Variants in CHM observed in about 807,000 individuals in gnomAD.
CHM encodes the protein rab proteins geranylgeranyltransferase component A 1.
In CHM, 10 loss-of-function variants were observed where a neutral mutation model predicts 49.0. The ratio of observed to expected loss-of-function variants is 0.20; its 90% CI spans 0.13 to 0.35. The LOEUF (loss-of-function observed/expected upper bound fraction) is 0.35. CHM is among the 10% of genes least tolerant of loss of function. The probability of loss-of-function intolerance (pLI) is 1.00; values close to 1 mark genes in which losing one functional copy is unlikely to be tolerated. For synonymous variants in CHM, 184 were observed against 167.5 expected, an observed-to-expected ratio of 1.10 and a Z score of -0.76; for missense variants, 455 against 478.4, an observed-to-expected ratio of 0.95 and a Z score of 0.46.
chrX:85,990,283 A>G (rs1932118531), intron 2 of CHM, among the ~76,000 whole-genome samples: 1 of 112,107 alleles, frequency 8.9e-6, no homozygotes, highest in Non-Finnish European at 1.9e-5. Context: ...GTGGGAGCTA[A>G]ATCATGAGAA....
intron 2 of CHM, among the ~76,000 whole-genome samples, chrX:86,023,077 T>C (rs1603282026): frequency 9.0e-6 from 1 of 111,384 alleles, no homozygotes; most frequent in East Asian, 2.8e-4. Context: ...ATCCATAAAC[T>C]AGACCATTGC....
chrX:86,019,308 T>C (rs957016057), intron 2 of CHM, among the ~76,000 whole-genome samples: 3 of 112,135 alleles, frequency 2.7e-5, no homozygotes, highest in Non-Finnish European at 5.6e-5. Context: ...AGAGAACTAA[T>C]GTGGTCCTTA....
At chrX:85,976,673 C>T (rs1483446927) in intron 4 of CHM, among the ~76,000 whole-genome samples, 2 of 110,313 alleles carry the variant, frequency 1.8e-5, no homozygotes, top group Middle Eastern at 4.7e-3. Context: ...CTTCTGAGAT[C>T]GCCTAGTCCA....
intron 8 of CHM, among the ~76,000 whole-genome samples, chrX:85,920,342 C>T (rs1927718548): frequency 9.0e-6 from 1 of 111,230 alleles, no homozygotes; most frequent in Non-Finnish European, 1.9e-5. Flanking sequence ...GTGATCCGCC[C>T]GCCTCAGCTT....
intron 8 of CHM, 124 bp from the exon 9 acceptor site, chrX:85,911,462 C>T (rs1036958523): frequency 3.1e-5 from 9 of 285,987 alleles, no homozygotes; most frequent in Non-Finnish European, 5.4e-5. Flanking sequence ...TGATAATGTA[C>T]TATTTTCTCT....
chrX:85,894,252 T>C lies in CHM; in HGVS notation c.1446A>G (p.Pro482=). 3 of 1,210,444 alleles carry C rather than the reference T, an allele frequency of 2.5e-6. No individual in the cohort carries two copies. The highest frequency in any genetic ancestry group is 3.4e-6 in the Non-Finnish European group (3 of 894,453). The part of the protein sequence containing the change: ...ISILTVPAEE[P]GTFAVRVIEL... ...CAATGACCCGAACAGCAAAAGTTCC[T>C]GGTTCCTCTGCTGGCACTGTCAAAA... The change falls in exon 12 of 15, where the codon CCA becomes CCG. Residue 482 remains proline (P), a synonymous_variant. Transcript: ENST00000357749.
intron 2 of CHM, among the ~76,000 whole-genome samples, chrX:85,998,551 C>G (rs746279887): frequency 5.4e-5 from 6 of 111,725 alleles, no homozygotes; most frequent in Non-Finnish European, 9.4e-5. Context: ...CATAGCTTAG[C>G]CTAGCCTACC....
chrX:85,911,149 A>G (rs7473220), intron 9 of CHM, 112 bp downstream of exon 9: 2 of 17,797 alleles, frequency 1.1e-4, no homozygotes, highest in African/African-American at 6.6e-4. Context: ...ATATATATAT[A>G]TATATATATA....
intron 8 of CHM, among the ~76,000 whole-genome samples, chrX:85,937,394 T>G (rs1230065463): frequency 9.0e-6 from 1 of 110,991 alleles, no homozygotes; most frequent in East Asian, 2.8e-4. Context: ...CCACCTTTTA[T>G]TCTCATACAA....
chrX:85,921,361 G>A (rs991782515), intron 8 of CHM, among the ~76,000 whole-genome samples: 5 of 111,519 alleles, frequency 4.5e-5, no homozygotes, highest in Non-Finnish European at 7.5e-5. Flanking sequence ...GTTTACAGAA[G>A]CCATCCTAAG....
rs182259054 is a variant in CHM at position 85,942,888 on chromosome X, C to A, written c.1166+13265G>T. Among the ~76,000 whole-genome samples, 16 of 102,932 alleles carry A rather than the reference C, an allele frequency of 1.6e-4. 1 individual carries two copies. In the East Asian group the frequency reaches 4.1e-3, roughly 26 times the overall value. 89.4% of individuals were successfully genotyped at this position (102,932 alleles called of 115,157 possible). A position where few individuals can be genotyped will look rare whatever the true frequency, so the allele number is the denominator to read the frequency against. On this transcript the variant is annotated intron_variant, in intron 8 of 14. Coordinates refer to ENST00000357749, the MANE Select transcript of CHM (RefSeq NM_000390.4). ...ACTCATCATTTAACATTAGGTATAT[C>A]TCTTAATGCTATCCCTCCCCCCTCC...
At chrX:86,004,178 G>A (rs1259547023) in intron 2 of CHM, among the ~76,000 whole-genome samples, 1 of 111,526 alleles carries the variant, frequency 9.0e-6, no homozygotes, top group Non-Finnish European at 1.9e-5. Flanking sequence ...CATAAATGCA[G>A]GAGAAATAAA....
chrX:85,871,408 A>G (rs1010481145), intron 14 of CHM, among the ~76,000 whole-genome samples: 1 of 109,324 alleles, frequency 9.1e-6, no homozygotes, highest in African/African-American at 3.3e-5. Flanking sequence ...CTTCATTTGG[A>G]AAATACCAAT....
At chrX:85,923,903 GAAATTTCAA>G (rs1927941778) in intron 8 of CHM, among the ~76,000 whole-genome samples, 1 of 110,838 alleles carries the variant, frequency 9.0e-6, no homozygotes, top group Admixed American at 9.7e-5. Flanking sequence ...GAAAGAAAAT[GAAATTTCAA>G]AACTTGAAGT....
At chrX:85,977,699 T>A (rs935074223) in intron 4 of CHM, among the ~76,000 whole-genome samples, 30 of 112,329 alleles carry the variant, frequency 2.7e-4, no homozygotes, top group African/African-American at 9.7e-4. Flanking sequence ...CCGTTTTAAA[T>A]CTTTCAGCAC....
intron 6 of CHM, among the ~76,000 whole-genome samples, chrX:85,958,384 G>A (rs928452582): frequency 9.0e-6 from 1 of 111,618 alleles, no homozygotes; most frequent in Non-Finnish European, 1.9e-5. Context: ...GGCCCCTACA[G>A]TTTTGGTGCT....
intron 2 of CHM, among the ~76,000 whole-genome samples, chrX:86,013,159 C>T (rs1390694868): frequency 9.0e-6 from 1 of 111,555 alleles, no homozygotes; most frequent in Non-Finnish European, 1.9e-5. Flanking sequence ...GTCCCCTTTC[C>T]TCTTCCATCG....
At chrX:85,935,818 G>T (rs762545068) in intron 8 of CHM, among the ~76,000 whole-genome samples, 1 of 112,110 alleles carries the variant, frequency 8.9e-6, no homozygotes, top group South Asian at 3.7e-4. Context: ...AGGGAGGGCA[G>T]AGGATGGAGC....
chrX:85,973,151 T>C (rs1245125123), intron 4 of CHM, among the ~76,000 whole-genome samples: 1 of 105,413 alleles, frequency 9.5e-6, no homozygotes, highest in East Asian at 3.0e-4. Flanking sequence ...ATACAAAAAT[T>C]AGCTGCGCAT....
Sources: gnomAD v4.1 joint callset for allele counts (sites outside exome capture counted in the v4.1 genomes callset) on GRCh38, gnomAD v4.1.1 for gene constraint, MANE v1.5 for transcripts, NCBI Gene and HGNC (gene_info 2026-07-23, HGNC 2026-07-21) for gene names.